The following SEPTIN14 variants were observed in gnomAD, a reference collection of about 807,000 sequenced individuals.
SEPTIN14 encodes septin 14.
A neutral mutation model predicts 53.6 loss-of-function variants in SEPTIN14; 40 were observed. That is an observed-to-expected ratio of 0.75 (90% confidence interval 0.58 to 0.97). The LOEUF is 0.97. SEPTIN14 is among the 50% of genes least tolerant of loss of function. The pLI is 0.00. For synonymous variants in SEPTIN14, 138 were observed against 166.8 expected, an observed-to-expected ratio of 0.83 and a Z score of 1.33; for missense variants, 471 against 508.2, an observed-to-expected ratio of 0.93 and a Z score of 0.70.
intron 7 of SEPTIN14, among the ~76,000 whole-genome samples, chr7:55,817,476 A>ATATAT (rs1554328559): frequency 8.3e-5 from 12 of 143,762 alleles, no homozygotes; most frequent in African/African-American, 3.1e-4. Flanking sequence ...ATATATATAT[A>ATATAT]TTTTTTTTTT....
At position 55,807,270 on chromosome 7, in the gene SEPTIN14, A is replaced by C; in HGVS notation, c.818-12T>G. 9 of 1,537,710 alleles carry C rather than the reference A, an allele frequency of 5.9e-6. 1 individual carries two copies. In the South Asian group the frequency reaches 1.1e-4, roughly 19 times the overall value. On this transcript the variant is annotated splice_polypyrimidine_tract_variant and intron_variant, in intron 7 of 9. Transcript: ENST00000388975. ...ATTTTCATTTTCCACTAGTAAAAAAATAATAATGAATCAACAACATTCAGT... is the reference window on the plus strand; with the variant it reads ...ATTTTCATTTTCCACTAGTAAAAAACTAATAATGAATCAACAACATTCAGT...
At chr7:55,801,445 T>C (rs1788521667) in intron 9 of SEPTIN14, among the ~76,000 whole-genome samples, 1 of 151,882 alleles carries the variant, frequency 6.6e-6, no homozygotes. Context: ...AAAAAAGAAA[T>C]TGGATATCCT....
intron 5 of SEPTIN14, among the ~76,000 whole-genome samples, chr7:55,839,656 G>T (rs1436922516): frequency 6.6e-6 from 1 of 152,066 alleles, no homozygotes; most frequent in Non-Finnish European, 1.5e-5. Context: ...CGTCCACTGG[G>T]GATCTTGTAA....
chr7:55,836,510 T>C (rs1176294829), intron 5 of SEPTIN14, among the ~76,000 whole-genome samples: 4 of 152,144 alleles, frequency 2.6e-5, no homozygotes, highest in Non-Finnish European at 5.9e-5. Context: ...AGGCCAAGAC[T>C]GGCAGATCAC....
At chr7:55,842,185 T>G (rs1204985127) in intron 5 of SEPTIN14, among the ~76,000 whole-genome samples, 1 of 152,156 alleles carries the variant, frequency 6.6e-6, no homozygotes, top group Non-Finnish European at 1.5e-5. Context: ...GTAGGCTATA[T>G]CATGTAGGTA....
At chr7:55,855,683 G>A (rs1584275438) in intron 2 of SEPTIN14, among the ~76,000 whole-genome samples, 2 of 152,192 alleles carry the variant, frequency 1.3e-5, no homozygotes, top group East Asian at 3.9e-4. Context: ...AACGTCCTGA[G>A]TAGCTGGGGT....
At chr7:55,814,367 A>G (rs963308593) in intron 7 of SEPTIN14, among the ~76,000 whole-genome samples, 11 of 152,212 alleles carry the variant, frequency 7.2e-5, no homozygotes, top group African/African-American at 2.7e-4. Context: ...TGAGGCACTA[A>G]TGACAAATCC....
intron 6 of SEPTIN14, among the ~76,000 whole-genome samples, chr7:55,822,329 A>G (rs1788910055): frequency 6.6e-6 from 1 of 152,236 alleles, no homozygotes; most frequent in African/African-American, 2.4e-5. Context: ...TCAATGTTCC[A>G]TAACTTAACC....
At chr7:55,833,346 C>A (rs1318471695) in intron 6 of SEPTIN14, among the ~76,000 whole-genome samples, 1 of 150,686 alleles carries the variant, frequency 6.6e-6, no homozygotes, top group Non-Finnish European at 1.5e-5. Flanking sequence ...AACAACCTAA[C>A]TTTACACACA....
chr7:55,799,518 CAAAAAAAAAAAAA>C (rs59445168), intron 9 of SEPTIN14, among the ~76,000 whole-genome samples: 5 of 62,904 alleles, frequency 7.9e-5, no homozygotes, highest in Admixed American at 5.9e-4. Flanking sequence ...ACTCTTGTCT[CAAAAAAAAAAAAA>C]AAAAAAAAAA....
chr7:55,860,119 C>T, intron 2 of SEPTIN14, among the ~76,000 whole-genome samples: 1 of 149,840 alleles, frequency 6.7e-6, no homozygotes, highest in Middle Eastern at 3.2e-3. Flanking sequence ...GCAGAGGTTG[C>T]AGTGAGCTGA....
At chr7:55,832,202 AACACAC>A (rs112349116) in intron 6 of SEPTIN14, among the ~76,000 whole-genome samples, 7,886 of 144,902 alleles carry the variant, frequency 0.054, 285 homozygotes, top group East Asian at 0.17. Flanking sequence ...CTCTGTCTCA[AACACAC>A]ACACACACAC....
chr7:55,821,957 G>A (rs972475007), intron 6 of SEPTIN14, among the ~76,000 whole-genome samples: 4 of 152,140 alleles, frequency 2.6e-5, no homozygotes, highest in African/African-American at 9.7e-5. Context: ...GAAGTGAAAG[G>A]CACTTCCTAC....
intron 9 of SEPTIN14, among the ~76,000 whole-genome samples, chr7:55,796,477 G>A (rs1333146417): frequency 6.6e-6 from 1 of 151,872 alleles, no homozygotes; most frequent in African/African-American, 2.4e-5. Context: ...TGGCCAGGCT[G>A]GTCTTGAACT....
At chr7:55,836,086 T>TGC (rs1789200209) in intron 5 of SEPTIN14, among the ~76,000 whole-genome samples, 1 of 152,154 alleles carries the variant, frequency 6.6e-6, no homozygotes, top group Non-Finnish European at 1.5e-5. Context: ...TGTGTGTGTG[T>TGC]GCGCGTGTGT....
intron 9 of SEPTIN14, among the ~76,000 whole-genome samples, chr7:55,804,258 G>GTT (rs1270948541): frequency 1.4e-5 from 2 of 147,586 alleles, no homozygotes; most frequent in African/African-American, 2.5e-5. Context: ...TAATGGTTTG[G>GTT]TTTTTTTTGT....
chr7:55,808,457 G>A (rs564201206), intron 7 of SEPTIN14, among the ~76,000 whole-genome samples: 81 of 152,258 alleles, frequency 5.3e-4, no homozygotes, highest in South Asian at 2.7e-3. Context: ...TCCCACCAAT[G>A]ATGTTTAAGA....
At position 55,827,778 on chromosome 7, in the gene SEPTIN14, C is replaced by T. The variant is rs142020483; in HGVS notation, c.720+6647G>A. On this transcript the variant is annotated intron_variant, in intron 6 of 9. Transcript: ENST00000388975. ...TCAAACACACACCATCTGCTTCTGC[C>T]ATAGCTGGCTCTTACTCATAAGTGC... Among the ~76,000 whole-genome samples the T allele has an allele frequency of 1.4e-3, 208 of 152,290 alleles. 1 individual carries two copies. The highest frequency in any genetic ancestry group is 4.6e-3 in the African/African-American group (192 of 41,558).
intron 2 of SEPTIN14, among the ~76,000 whole-genome samples, chr7:55,854,566 A>C (rs1269433155): frequency 6.6e-6 from 1 of 151,926 alleles, no homozygotes; most frequent in Non-Finnish European, 1.5e-5. Context: ...AGCAGCTGGG[A>C]CCATAGGCAC....
Sources: allele counts gnomAD v4.1 joint callset (sites outside exome capture counted in the v4.1 genomes callset), GRCh38; gene constraint gnomAD v4.1.1; transcripts MANE v1.5; gene names NCBI Gene and HGNC (gene_info 2026-07-23, HGNC 2026-07-21).